KARS1: variants seen among roughly 807,000 people sequenced by gnomAD.
KARS1 encodes lysyl-tRNA synthetase 1.
Under a neutral mutation model 63.9 loss-of-function variants are expected in KARS1, and 50 were observed. The observed-to-expected ratio is 0.78, with a 90% confidence interval of 0.62 to 0.99. KARS1 has a LOEUF of 0.99. Ranked by LOEUF, KARS1 falls within the 50% of genes least tolerant of loss-of-function variation. KARS1 has a pLI of 0.00. For synonymous variants in KARS1, 320 were observed against 264.6 expected, an observed-to-expected ratio of 1.21 and a Z score of -2.03; for missense variants, 816 against 754.5, an observed-to-expected ratio of 1.08 and a Z score of -0.95.
chr16:75,628,755 T>C (rs753904809), intron 12 of KARS1, 43 bp from the exon 13 acceptor site: 2 of 1,609,058 alleles, frequency 1.2e-6, no homozygotes, highest in South Asian at 2.2e-5. Flanking sequence ...TCTTCTAAGA[T>C]ATCTCAGTGT....
chr16:75,628,843 G>A, intron 12 of KARS1, 131 bp from the exon 13 acceptor site: 3 of 963,466 alleles, frequency 3.1e-6, no homozygotes, highest in South Asian at 2.7e-5. Flanking sequence ...GGACTTGCTG[G>A]GAATTCATTT....
Position 75,635,686 on chromosome 16 carries a change from G to A in KARS1, c.789C>T (p.Phe263=). 6.2e-7 allele frequency: 1 copy of A among 1,614,004 alleles called. No homozygotes were observed. The highest frequency in any genetic ancestry group is 8.5e-7 in the Non-Finnish European group (1 of 1,180,006). Residue 263 remains phenylalanine (F), a synonymous_variant, in exon 6 of 14, where the codon TTC becomes TTT. Coordinates refer to ENST00000302445, the MANE Select transcript of KARS1 (RefSeq NM_005548.3). ...GGCAAGGAACTCTCCTTACCTCTAGGAATCCCAGCTCATCTAAGAAACTTC... is the reference window on the plus strand; with the variant it reads ...GGCAAGGAACTCTCCTTACCTCTAGAAATCCCAGCTCATCTAAGAAACTTC... ...YIRSFLDELG[F]LEIETPMMNI...
intron 7 of KARS1, 78 bp downstream of exon 7, chr16:75,634,095 T>C: frequency 1.3e-6 from 2 of 1,486,524 alleles, no homozygotes; most frequent in Non-Finnish European, 1.9e-6. Flanking sequence ...TCCTCTTATT[T>C]CTGACTATAC....
intron 1 of KARS1, among the ~76,000 whole-genome samples, chr16:75,646,852 C>G (rs940645265): frequency 6.6e-6 from 1 of 152,058 alleles, no homozygotes; most frequent in Non-Finnish European, 1.5e-5. Context: ...TACCATCTTC[C>G]TAGCAATGAT....
intron 7 of KARS1, among the ~76,000 whole-genome samples, chr16:75,633,637 T>G (rs1597167119): frequency 6.6e-6 from 1 of 151,552 alleles, no homozygotes; most frequent in South Asian, 2.1e-4. Context: ...CCTGCCTCAG[T>G]CTCCCAAGTA....
Position 75,627,959 on chromosome 16 carries a change from T to C in KARS1, c.1730A>G (p.Asp577Gly), listed in dbSNP as rs2082069455. Residue 577 changes from aspartate to glycine, a missense_variant, in exon 14 of 14, where the codon GAC becomes GGC. Coordinates refer to ENST00000302445, the MANE Select transcript of KARS1 (RefSeq NM_005548.3). ...AGTGGTTGCTACATTCTCCTTCTTG[T>C]CTTCGGGTTTCATGGCAGGAAACAG... ...VLLFPAMKPE[D>G]KKENVATTDT... 1 of 1,611,476 alleles carries C rather than the reference T, an allele frequency of 6.2e-7. No homozygotes were observed. The highest frequency in any genetic ancestry group is 2.2e-5 in the East Asian group (1 of 44,864).
In KARS1 at chr16:75,640,254, A is replaced by G. The variant is rs1180721958; in HGVS notation, c.318T>C (p.Thr106=). Residue 106 remains threonine (T), a synonymous_variant, in exon 3 of 14, where the codon ACT becomes ACC. Coordinates refer to ENST00000302445, the MANE Select transcript of KARS1 (RefSeq NM_005548.3). Reference sequence around the variant, plus strand: ...GGTGACTATATTTTTGGATGAAGTCAGTGAGTGAGATGTCTACATGGAACT... The same window carrying G: ...GGTGACTATATTTTTGGATGAAGTCGGTGAGTGAGATGTCTACATGGAACT... ...PHKFHVDISL[T]DFIQKYSHLQ... The G allele has an allele frequency of 6.2e-7, 1 of 1,613,908 alleles. No homozygotes were observed. The highest frequency in any genetic ancestry group is 8.5e-7 in the Non-Finnish European group (1 of 1,179,920).
At position 75,634,263 on chromosome 16, in the gene KARS1, T is replaced by G. The variant is rs961467752; in HGVS notation, c.825A>C (p.Pro275=). 4 of 1,613,908 alleles carry G rather than the reference T, an allele frequency of 2.5e-6. No homozygotes were observed. Among genetic ancestry groups the G allele is most frequent in the Non-Finnish European group, 8.5e-7 (1 of 1,179,918 alleles). ...EIETPMMNII[P]GGAVAKPFIT... Reference sequence around the variant, plus strand: ...TGAAAGGCTTGGCCACGGCTCCCCCTGGGATGATGTTCATCATGGGAGTTT... The same window carrying G: ...TGAAAGGCTTGGCCACGGCTCCCCCGGGGATGATGTTCATCATGGGAGTTT... The change falls in exon 7 of 14, where the codon CCA becomes CCC. Residue 275 remains proline (P), a synonymous_variant. Coordinates refer to ENST00000302445, the MANE Select transcript of KARS1 (RefSeq NM_005548.3).
chr16:75,632,143 G>A (rs770698257), intron 7 of KARS1, among the ~76,000 whole-genome samples: 4 of 152,230 alleles, frequency 2.6e-5, no homozygotes, highest in East Asian at 1.9e-4. Flanking sequence ...GCCTGCCTCC[G>A]CCTCCCAAAG....
At chr16:75,643,448 G>C (rs2082246538) in intron 1 of KARS1, among the ~76,000 whole-genome samples, 1 of 150,754 alleles carries the variant, frequency 6.6e-6, no homozygotes, top group Non-Finnish European at 1.5e-5. Context: ...TGCGATCTCA[G>C]ATCACTGTAA....
At chr16:75,644,247 G>C in intron 1 of KARS1, 38 of 1,549,646 alleles carry the variant, frequency 2.5e-5, no homozygotes, top group Non-Finnish European at 3.2e-5. Context: ...AATAATTTTT[G>C]CTTCCAGAGC....
Position 75,631,804 on chromosome 16 carries a change from G to A in KARS1, c.967C>T (p.Arg323Trp), listed in dbSNP as rs569973619. Residue 323 changes from arginine (R) to tryptophan (W), a missense_variant, in exon 8 of 14, where the codon CGG becomes TGG. Coordinates refer to ENST00000302445, the MANE Select transcript of KARS1 (RefSeq NM_005548.3). ...DRVYEIGRQF[R>W]NEGIDLTHNP... ...TGCGTCAAATCAATCCCCTCATTCC[G>A]GAACTGGCGTCCAATTTCATAAACC... 14 of 1,614,044 alleles carry A rather than the reference G, an allele frequency of 8.7e-6. No homozygotes were observed. The highest frequency in any genetic ancestry group is 1.7e-5 in the Admixed American group (1 of 60,010).
At chr16:75,633,051 C>T (rs912681553) in intron 7 of KARS1, among the ~76,000 whole-genome samples, 6 of 152,174 alleles carry the variant, frequency 3.9e-5, no homozygotes, top group Non-Finnish European at 7.3e-5. Context: ...ATACTGCTCC[C>T]TAATGGTATT....
chr16:75,642,598 G>C lies in KARS1; in HGVS notation c.63-875C>G, dbSNP rs908509590. 2.6e-4 allele frequency among the ~76,000 whole-genome samples: 40 copies of C among 152,044 alleles called. 1 individual carries two copies. The highest frequency in any genetic ancestry group is 8.8e-5 in the Non-Finnish European group (6 of 68,002). ...AAGAGTGAGTTAGGATGATAGTAAG[G>C]AAGAGCCGGCTCTTTAGCACTCAAG... On this transcript the variant is annotated intron_variant, in intron 1 of 13. Transcript: ENST00000302445.
chr16:75,630,442 T>C lies in KARS1; in HGVS notation c.1405A>G (p.Met469Val). ...PTFICDHPQI[M>V]SPLAKWHRSK... ...TCTTACCATTTAGCCAAAGGGCTCA[T>C]TATCTGTGGGTGATCACAGATGAAT... Residue 469 changes from methionine (M) to valine (V), a missense_variant, in exon 11 of 14, where the codon ATG becomes GTG. Coordinates refer to ENST00000302445, the MANE Select transcript of KARS1 (RefSeq NM_005548.3). 4 of 1,607,744 alleles carry C rather than the reference T, an allele frequency of 2.5e-6. No individual in the cohort carries two copies. Among genetic ancestry groups the C allele is most frequent in the Non-Finnish European group, 3.4e-6 (4 of 1,175,086 alleles).
chr16:75,629,281 C>G, intron 12 of KARS1, 134 bp downstream of exon 12: 2 of 1,064,642 alleles, frequency 1.9e-6, no homozygotes, highest in Non-Finnish European at 2.8e-6. Flanking sequence ...TGAAATGTGA[C>G]TCCTCCAGCA....
At chr16:75,642,961 T>A (rs184217626) in intron 1 of KARS1, 1 of 152,214 alleles carries the variant, frequency 6.6e-6, no homozygotes, top group Non-Finnish European at 1.5e-5. Flanking sequence ...TTTCTAGGTA[T>A]CTTTTAGTAT....
At chr16:75,629,890 G>A (rs1036031983) in intron 11 of KARS1, among the ~76,000 whole-genome samples, 3 of 152,252 alleles carry the variant, frequency 2.0e-5, no homozygotes, top group African/African-American at 4.8e-5. Flanking sequence ...TCAGAAGCCT[G>A]CATGCAGTCT....
At chr16:75,630,789 C>G (rs2082103710) in intron 10 of KARS1, among the ~76,000 whole-genome samples, 1 of 152,056 alleles carries the variant, frequency 6.6e-6, no homozygotes. Context: ...TGCCCGCCAC[C>G]ATACCCAGCT....
Sources: gnomAD v4.1 joint callset for allele counts (sites outside exome capture counted in the v4.1 genomes callset) on GRCh38, gnomAD v4.1.1 for gene constraint, MANE v1.5 for transcripts, NCBI Gene and HGNC (gene_info 2026-07-23, HGNC 2026-07-21) for gene names.